GPC5: variants seen among roughly 807,000 people sequenced by gnomAD.
GPC5 encodes the protein glypican-5.
In GPC5, 47 loss-of-function variants were observed where a neutral mutation model predicts 53.9. The observed-to-expected ratio is 0.87, with a 90% CI of 0.69 to 1.11. The LOEUF is 1.11. Among genes scored for constraint, GPC5 ranks in the 50% most tolerant of loss-of-function variants. The probability of loss-of-function intolerance (pLI) is 0.00; values close to 1 mark genes in which losing one functional copy is unlikely to be tolerated. For synonymous variants in GPC5, 286 were observed against 263.3 expected (o/e 1.09, Z -0.84); for missense variants, 748 against 713.1 (o/e 1.05, Z -0.56).
intron 7 of GPC5, among the ~76,000 whole-genome samples, chr13:92,278,447 T>G (rs578025818): frequency 6.6e-6 from 1 of 152,152 alleles, no homozygotes; most frequent in African/African-American, 2.4e-5. Flanking sequence ...ACTTGATTCT[T>G]ACAGAGAATA....
chr13:92,109,532 T>C (rs2041539755), intron 6 of GPC5, among the ~76,000 whole-genome samples: 1 of 152,158 alleles, frequency 6.6e-6, no homozygotes, highest in Non-Finnish European at 1.5e-5. Context: ...AAATTCTTTT[T>C]GATGAAAAAT....
intron 7 of GPC5, among the ~76,000 whole-genome samples, chr13:92,155,076 A>C (rs2041933975): frequency 6.6e-6 from 1 of 152,184 alleles, no homozygotes; most frequent in South Asian, 2.1e-4. Context: ...TTGTAACTAT[A>C]TAATGCTCAC....
intron 6 of GPC5, among the ~76,000 whole-genome samples, chr13:92,053,665 A>G (rs2041049120): frequency 6.6e-6 from 1 of 152,040 alleles, no homozygotes; most frequent in South Asian, 2.1e-4. Flanking sequence ...ATACATTGCT[A>G]TACGTTAATG....
chr13:92,281,458 G>T (rs1016136701), intron 7 of GPC5, among the ~76,000 whole-genome samples: 2 of 152,112 alleles, frequency 1.3e-5, no homozygotes, highest in Admixed American at 1.3e-4. Context: ...CCTCAAGTGG[G>T]TCCCTGACCA....
intron 7 of GPC5, among the ~76,000 whole-genome samples, chr13:92,182,311 G>A (rs951531644): frequency 2.6e-5 from 4 of 152,116 alleles, no homozygotes; most frequent in Admixed American, 2.6e-4. Flanking sequence ...CAGAAAAACT[G>A]ACTTTATCAG....
At chr13:91,797,569 A>C (rs191997331) in intron 5 of GPC5, among the ~76,000 whole-genome samples, 25 of 152,250 alleles carry the variant, frequency 1.6e-4, no homozygotes, top group African/African-American at 5.5e-4. Context: ...ATATTTAGTA[A>C]AAAGATATTT....
chr13:91,626,978 G>A (rs560709464), intron 2 of GPC5, among the ~76,000 whole-genome samples: 36 of 129,126 alleles, frequency 2.8e-4, no homozygotes, highest in Non-Finnish European at 3.0e-4. Flanking sequence ...CTTCATCCAT[G>A]TCCCTACAAA....
chr13:92,758,631 C>T (rs548298072), intron 7 of GPC5, among the ~76,000 whole-genome samples: 7 of 152,206 alleles, frequency 4.6e-5, no homozygotes, highest in South Asian at 2.1e-4. Flanking sequence ...GATGAGCTGA[C>T]GTCACTTGTG....
At chr13:91,810,960 C>T (rs1326106471) in intron 5 of GPC5, among the ~76,000 whole-genome samples, 2 of 148,910 alleles carry the variant, frequency 1.3e-5, no homozygotes, top group Non-Finnish European at 3.0e-5. Context: ...AAAAAGAACC[C>T]AGGAAATATT....
At chr13:92,659,963 C>G (rs1886280755) in intron 7 of GPC5, among the ~76,000 whole-genome samples, 2 of 152,176 alleles carry the variant, frequency 1.3e-5, no homozygotes, top group Admixed American at 6.5e-5. Flanking sequence ...CAAGGAGCCA[C>G]TGCTTGTATA....
At chr13:91,640,615 A>G (rs1180452218) in intron 2 of GPC5, among the ~76,000 whole-genome samples, 2 of 152,180 alleles carry the variant, frequency 1.3e-5, no homozygotes, top group African/African-American at 4.8e-5. Flanking sequence ...TGACCCAGCA[A>G]TCCCATTACT....
At chr13:91,563,386 C>G (rs1410463731) in intron 2 of GPC5, among the ~76,000 whole-genome samples, 1 of 152,072 alleles carries the variant, frequency 6.6e-6, no homozygotes, top group Admixed American at 6.6e-5. Context: ...AAAAAAAATT[C>G]TGAATCAGAC....
chr13:91,715,675 G>A (rs1056123934), intron 3 of GPC5, among the ~76,000 whole-genome samples: 8 of 150,222 alleles, frequency 5.3e-5, no homozygotes, highest in African/African-American at 2.0e-4. Context: ...GAAATATGTG[G>A]TATTTTAATT....
At chr13:91,823,284 G>A (rs1833199755) in intron 5 of GPC5, among the ~76,000 whole-genome samples, 1 of 152,018 alleles carries the variant, frequency 6.6e-6, no homozygotes, top group Admixed American at 6.6e-5. Flanking sequence ...ATCTGGAAAA[G>A]ATTTATAATA....
intron 5 of GPC5, among the ~76,000 whole-genome samples, chr13:91,883,058 C>T (rs1278439357): frequency 6.6e-6 from 1 of 152,100 alleles, no homozygotes; most frequent in East Asian, 1.9e-4. Context: ...AGTGATTCTC[C>T]TTCTCTCACA....
chr13:92,070,407 C>G (rs2041201432), intron 6 of GPC5, among the ~76,000 whole-genome samples: 1 of 152,156 alleles, frequency 6.6e-6, no homozygotes, highest in African/African-American at 2.4e-5. Context: ...GCCGTGAAAA[C>G]TCTCCCCATT....
chr13:91,533,423 A>G (rs1269579969), intron 2 of GPC5, among the ~76,000 whole-genome samples: 1 of 152,044 alleles, frequency 6.6e-6, no homozygotes, highest in Non-Finnish European at 1.5e-5. Context: ...TGAATAAAAA[A>G]CCCCACATAA....
At chr13:91,484,808 T>A (rs1274443345) in intron 2 of GPC5, among the ~76,000 whole-genome samples, 1 of 152,214 alleles carries the variant, frequency 6.6e-6, no homozygotes, top group African/African-American at 2.4e-5. Flanking sequence ...TGTACCCTAA[T>A]TGAGAACCCA....
intron 7 of GPC5, among the ~76,000 whole-genome samples, chr13:92,678,503 T>A (rs1887017452): frequency 6.6e-6 from 1 of 152,260 alleles, no homozygotes; most frequent in African/African-American, 2.4e-5. Flanking sequence ...ATAACACTGC[T>A]AGTAATAGGA....
Sources: gnomAD v4.1 joint callset for allele counts (sites outside exome capture counted in the v4.1 genomes callset) on GRCh38, gnomAD v4.1.1 for gene constraint, MANE v1.5 for transcripts, NCBI Gene and HGNC (gene_info 2026-07-23, HGNC 2026-07-21) for gene names.